Variants in ABCC4 observed in about 807,000 individuals in gnomAD.
The protein encoded by ABCC4 is ATP-binding cassette sub-family C member 4.
A neutral mutation model predicts 168.5 loss-of-function variants in ABCC4; 102 were observed. The ratio of observed to expected loss-of-function variants is 0.61; its 90% CI spans 0.52 to 0.71. The LOEUF (loss-of-function observed/expected upper bound fraction) is 0.71. Ranked by LOEUF, ABCC4 falls within the 30% of genes least tolerant of loss-of-function variation. The probability of loss-of-function intolerance (pLI) is 0.00; values close to 1 mark genes in which losing one functional copy is unlikely to be tolerated. For synonymous variants in ABCC4, 617 were observed against 590.7 expected, an observed-to-expected ratio of 1.04 and a Z score of -0.65; for missense variants, 1,402 against 1,605.8, an observed-to-expected ratio of 0.87 and a Z score of 2.17.
chr13:95,158,542 A>C (rs1299147184), intron 19 of ABCC4, among the ~76,000 whole-genome samples: 1 of 152,140 alleles, frequency 6.6e-6, no homozygotes, highest in Admixed American at 6.5e-5. Context: ...ACCTGGGAGA[A>C]TATCAGGATG....
intron 20 of ABCC4, among the ~76,000 whole-genome samples, chr13:95,098,013 G>C (rs1487117773): frequency 6.6e-6 from 1 of 151,716 alleles, no homozygotes; most frequent in Non-Finnish European, 1.5e-5. Flanking sequence ...ATGTGCGCCT[G>C]TAATCCCAGC....
intron 19 of ABCC4, among the ~76,000 whole-genome samples, chr13:95,124,903 A>T (rs892646313): frequency 1.3e-5 from 2 of 151,174 alleles, no homozygotes; most frequent in Non-Finnish European, 1.5e-5. Context: ...TAAAATAAAA[A>T]AATAATAATA....
At chr13:95,147,131 C>A (rs1226854643) in intron 19 of ABCC4, among the ~76,000 whole-genome samples, 1 of 152,088 alleles carries the variant, frequency 6.6e-6, no homozygotes, top group Non-Finnish European at 1.5e-5. Flanking sequence ...GGTGTCTCTG[C>A]CTGAAGACAC....
chr13:95,053,224 T>C (rs758641784), intron 26 of ABCC4, 40 bp from the exon 27 acceptor site: 2 of 1,469,080 alleles, frequency 1.4e-6, no homozygotes, highest in African/African-American at 1.4e-5. Flanking sequence ...CCACAGACTC[T>C]TTTTTCATTT....
Position 95,168,069 on chromosome 13 carries a change from T to A in ABCC4, c.1825-1702A>T, listed in dbSNP as rs754650620. ...TTTCGGTAGAGATGGGTTTTCACCA[T>A]GTTGGCCAGGTTGGTCTCAAACTCC... On this transcript the variant is annotated intron_variant, in intron 14 of 30. Coordinates refer to ENST00000645237, the MANE Select transcript of ABCC4 (RefSeq NM_005845.5). Among the ~76,000 whole-genome samples, 175 of 152,274 alleles carry A rather than the reference T, an allele frequency of 1.1e-3. 4 individuals carry two copies. Among genetic ancestry groups the A allele is most frequent in the Admixed American group, 5.2e-4 (8 of 15,298 alleles).
chr13:95,261,622 G>GA (rs953471767), intron 1 of ABCC4, among the ~76,000 whole-genome samples: 2 of 151,552 alleles, frequency 1.3e-5, no homozygotes, highest in African/African-American at 2.4e-5. Context: ...TATTGAAGAA[G>GA]AAAAAAACAC....
At chr13:95,123,166 A>G (rs1236956472) in intron 19 of ABCC4, among the ~76,000 whole-genome samples, 4 of 152,168 alleles carry the variant, frequency 2.6e-5, no homozygotes, top group African/African-American at 9.7e-5. Flanking sequence ...CAACCTCATC[A>G]TCTGTTTTCC....
intron 1 of ABCC4, among the ~76,000 whole-genome samples, chr13:95,250,805 C>A (rs1272401667): frequency 1.6e-5 from 2 of 126,992 alleles, no homozygotes; most frequent in Non-Finnish European, 1.6e-5. Flanking sequence ...CACTCTGTTG[C>A]CCAGGCTGGA....
Position 95,021,686 on chromosome 13 carries a change from G to T in ABCC4, c.3871-4C>A. ...GATAATTTCTTTTGAAGTATACCTA[G>T]AAAAAAAAAAGGTAAGCATAAAAAG... On this transcript the variant is annotated splice_polypyrimidine_tract_variant and splice_region_variant and intron_variant, in intron 30 of 30. Coordinates refer to ENST00000645237, the MANE Select transcript of ABCC4 (RefSeq NM_005845.5). The T allele has an allele frequency of 7.7e-7, 1 of 1,298,916 alleles. No individual in the cohort carries two copies. Among genetic ancestry groups the T allele is most frequent in the Non-Finnish European group, 1.1e-6 (1 of 943,042 alleles). 80.5% of individuals were successfully genotyped at this position (1,298,916 alleles called of 1,614,324 possible).
intron 21 of ABCC4, among the ~76,000 whole-genome samples, chr13:95,081,254 C>T (rs928070454): frequency 2.0e-5 from 3 of 152,188 alleles, no homozygotes; most frequent in Admixed American, 6.5e-5. Flanking sequence ...AAAAAGCCTT[C>T]CTAAGTCCCC....
chr13:95,068,157 C>G (rs969195664), intron 25 of ABCC4, among the ~76,000 whole-genome samples: 1 of 152,214 alleles, frequency 6.6e-6, no homozygotes, highest in Non-Finnish European at 1.5e-5. Context: ...AACAATGCCC[C>G]TCTCCATCAG....
intron 19 of ABCC4, among the ~76,000 whole-genome samples, chr13:95,142,607 A>C (rs1257261044): frequency 6.6e-6 from 1 of 152,074 alleles, no homozygotes; most frequent in African/African-American, 2.4e-5. Context: ...TTTAAATTTA[A>C]CAAAAGATCA....
At chr13:95,161,401 A>AATCCCCCT in intron 18 of ABCC4, 66 bp from the exon 19 acceptor site, 1 of 1,316,320 alleles carries the variant, frequency 7.6e-7, no homozygotes, top group Non-Finnish European at 1.0e-6. Context: ...TAGTTGCTAA[A>AATCCCCCT]GCAAGCCAGG....
At chr13:95,066,660 A>T (rs2033558206) in intron 25 of ABCC4, among the ~76,000 whole-genome samples, 2 of 152,230 alleles carry the variant, frequency 1.3e-5, no homozygotes, top group Non-Finnish European at 1.5e-5. Context: ...AAAAGAGAAA[A>T]ATCGAGGCTT....
At chr13:95,222,842 A>G (rs1238679870) in intron 4 of ABCC4, among the ~76,000 whole-genome samples, 1 of 152,156 alleles carries the variant, frequency 6.6e-6, no homozygotes, top group Non-Finnish European at 1.5e-5. Flanking sequence ...TGGAGGCACT[A>G]CTGGTTGTTA....
chr13:95,160,639 T>C (rs929584574), intron 19 of ABCC4, among the ~76,000 whole-genome samples: 1 of 152,220 alleles, frequency 6.6e-6, no homozygotes, highest in Non-Finnish European at 1.5e-5. Flanking sequence ...ATTTTATCAA[T>C]CTTGGCTTTT....
At chr13:95,257,526 C>T (rs767215017) in intron 1 of ABCC4, among the ~76,000 whole-genome samples, 7 of 151,942 alleles carry the variant, frequency 4.6e-5, no homozygotes, top group Non-Finnish European at 8.8e-5. Flanking sequence ...AAAAATTAGC[C>T]GGACATGGCG....
chr13:95,230,635 C>T (rs1215860617), intron 4 of ABCC4, among the ~76,000 whole-genome samples: 1 of 152,008 alleles, frequency 6.6e-6, no homozygotes, highest in Non-Finnish European at 1.5e-5. Context: ...ATTAGCCTGG[C>T]GTGGTGGCAG....
At chr13:95,164,627 A>C in intron 15 of ABCC4, 109 bp from the exon 16 acceptor site, 1 of 1,158,428 alleles carries the variant, frequency 8.6e-7, no homozygotes, top group Non-Finnish European at 1.2e-6. Flanking sequence ...GAAGTCCAAA[A>C]TGATCCATCT....
Sources: gnomAD v4.1 joint callset for allele counts (sites outside exome capture counted in the v4.1 genomes callset) on GRCh38, gnomAD v4.1.1 for gene constraint, MANE v1.5 for transcripts, NCBI Gene and HGNC (gene_info 2026-07-23, HGNC 2026-07-21) for gene names.